Variants in STAT3 observed in about 807,000 individuals in gnomAD.
STAT3 encodes the protein DNA-binding protein APRF.
In STAT3, 7 loss-of-function variants were observed where a neutral mutation model predicts 114.3. The ratio of observed to expected loss-of-function variants is 0.06; its 90% confidence interval spans 0.03 to 0.11. The LOEUF (loss-of-function observed/expected upper bound fraction) is 0.11. STAT3 is among the 10% of genes least tolerant of loss of function. STAT3 has a pLI of 1.00. For synonymous variants in STAT3, 331 were observed against 354.5 expected, an observed-to-expected ratio of 0.93 and a Z score of 0.74; for missense variants, 364 against 960.9, an observed-to-expected ratio of 0.38 and a Z score of 8.21.
chr17:42,316,480 A>G (rs1339302851), intron 23 of STAT3: 1 of 536,408 alleles, frequency 1.9e-6, no homozygotes, highest in East Asian at 6.0e-5. Context: ...CGGCCTCCCA[A>G]AGTGCTGGGA....
rs781034418 is a variant in STAT3, at chr17:42,337,841, A to T, written c.567T>A (p.Asn189Lys). ...LKSQGDMQDL[N>K]GNNQSVTRQK... Reference sequence around the variant, plus strand: ...GCCTGGTCACTGACTGGTTGTTTCCATTCAGATCTTGCATGTCTGCGAAGG... The same window carrying T: ...GCCTGGTCACTGACTGGTTGTTTCCTTTCAGATCTTGCATGTCTGCGAAGG... The change falls in exon 7 of 24, where the codon AAT becomes AAA. Residue 189 changes from asparagine to lysine, a missense_variant. This residue lies in a region of STAT3 where 294 missense variants were observed against 745.1 expected (regional missense o/e 0.39). Coordinates refer to ENST00000264657, the MANE Select transcript of STAT3 (RefSeq NM_139276.3). This position sits in a 1 kb window ranked among gnomAD's most constrained non-coding sequence, Gnocchi z 4.0. 1 of 1,614,070 alleles carries T rather than the reference A, an allele frequency of 6.2e-7. No homozygotes were observed. The highest frequency in any genetic ancestry group is 8.5e-7 in the Non-Finnish European group (1 of 1,180,040).
chr17:42,363,049 G>A (rs922339874), intron 1 of STAT3, among the ~76,000 whole-genome samples: 5 of 152,150 alleles, frequency 3.3e-5, no homozygotes, highest in South Asian at 2.1e-4. Flanking sequence ...GCTCACTAGC[G>A]TGTCCTACCC....
intron 1 of STAT3, among the ~76,000 whole-genome samples, chr17:42,355,332 AACT>A (rs1173931895): frequency 2.6e-5 from 4 of 152,180 alleles, no homozygotes; most frequent in African/African-American, 9.6e-5. Flanking sequence ...GTGACTTAAT[AACT>A]ACTTCATTGA....
At chr17:42,316,157 G>A (rs768428811) in intron 23 of STAT3, 47 of 1,083,692 alleles carry the variant, frequency 4.3e-5, no homozygotes, top group Non-Finnish European at 5.5e-5. Flanking sequence ...GCTGTGCTGT[G>A]GCTGTCAAAA....
chr17:42,355,072 C>T (rs2083165885), intron 1 of STAT3, among the ~76,000 whole-genome samples: 2 of 152,150 alleles, frequency 1.3e-5, no homozygotes, highest in Admixed American at 6.5e-5. Flanking sequence ...CTAGGAAAAT[C>T]ACTGCCAAGC....
At position 42,316,808 on chromosome 17, in the gene STAT3, G is replaced by A. The variant is rs376372615; in HGVS notation, c.2238C>T (p.Pro746=). Reference sequence around the variant, plus strand: ...ACTCACCAAACTGCCCTCCTGCTGAGGGTTCAGCACCTTCACCATTATTTC... The same window carrying A: ...ACTCACCAAACTGCCCTCCTGCTGAAGGTTCAGCACCTTCACCATTATTTC... ...QFGNNGEGAE[P]SAGGQFESLT... Residue 746 remains proline, a synonymous_variant, in exon 23 of 24, where the codon CCC becomes CCT. Coordinates refer to ENST00000264657, the MANE Select transcript of STAT3 (RefSeq NM_139276.3). 2.5e-6 allele frequency: 4 copies of A among 1,613,782 alleles called. No homozygotes were observed. The highest frequency in any genetic ancestry group is 3.4e-6 in the Non-Finnish European group (4 of 1,179,968).
chr17:42,340,187 T>A (rs1024635409), intron 4 of STAT3, among the ~76,000 whole-genome samples: 72 of 151,574 alleles, frequency 4.8e-4, no homozygotes, highest in Non-Finnish European at 1.0e-3. Context: ...GAGAAACCCA[T>A]CTCTACTAAA....
Position 42,333,216 on chromosome 17 carries a change from CAGA to C in STAT3, c.1049+454_1049+456del, listed in dbSNP as rs979631761. Reference sequence around the variant, plus strand: ...GTTTCTGAGGAGGGAAATTTTGCTGCAGAAGGTCAAAACCCCAGCACACCTGTT... The same window carrying C: ...GTTTCTGAGGAGGGAAATTTTGCTGCAGGTCAAAACCCCAGCACACCTGTT... On this transcript the variant is annotated intron_variant, in intron 10 of 23. Transcript: ENST00000264657. The surrounding 1 kb of genome is among the most constrained non-coding windows in gnomAD (Gnocchi z 5.2). 6.6e-6 allele frequency among the ~76,000 whole-genome samples: 1 copy of C among 152,040 alleles called. No homozygotes were observed. Among genetic ancestry groups the C allele is most frequent in the African/African-American group, 2.4e-5 (1 of 41,406 alleles).
At position 42,322,506 on chromosome 17, in the gene STAT3, C is replaced by T. The variant is rs1418148445; in HGVS notation, c.1889-12G>A. ...GATCTGGGTCTTACCTGTCACAGGA[C>T]ATGGGAAGGAAAGATCATGGAACCT... On this transcript the variant is annotated splice_polypyrimidine_tract_variant and intron_variant, in intron 20 of 23. Transcript: ENST00000264657. 2 of 1,614,076 alleles carry T rather than the reference C, an allele frequency of 1.2e-6. No individual in the cohort carries two copies. Among genetic ancestry groups the T allele is most frequent in the Admixed American group, 3.3e-5 (2 of 60,026 alleles).
chr17:42,345,565 C>G lies in STAT3; in HGVS notation c.366G>C (p.Ala122=). 7.5e-6 allele frequency: 12 copies of G among 1,603,538 alleles called. No individual in the cohort carries two copies. The highest frequency in any genetic ancestry group is 1.3e-5 in the African/African-American group (1 of 74,652). The part of the protein sequence containing the change: ...ESRLLQTAAT[A]AQQGGQANHP... ...GTTTTGTCTCAGGTCTCACCTGGGCCGCAGTGGCTGCAGTCTGTAGAAGGC... is the reference window on the plus strand; with the variant it reads ...GTTTTGTCTCAGGTCTCACCTGGGCGGCAGTGGCTGCAGTCTGTAGAAGGC... Residue 122 remains alanine (A), a synonymous_variant, in exon 4 of 24, where the codon GCG becomes GCC. Coordinates refer to ENST00000264657, the MANE Select transcript of STAT3 (RefSeq NM_139276.3).
intron 5 of STAT3, 81 bp from the exon 6 acceptor site, chr17:42,338,893 A>G: frequency 7.6e-7 from 1 of 1,314,442 alleles, no homozygotes; most frequent in Non-Finnish European, 1.1e-6. Flanking sequence ...TCTGAGGAGA[A>G]TTCAAATGAA....
At chr17:42,357,901 A>T (rs1235065365) in intron 1 of STAT3, among the ~76,000 whole-genome samples, 4 of 152,194 alleles carry the variant, frequency 2.6e-5, no homozygotes, top group Non-Finnish European at 5.9e-5. Context: ...AGAAGTCTAT[A>T]TATAAATCTA....
At position 42,365,408 on chromosome 17, in the gene STAT3, G is replaced by A. The variant is rs75599316; in HGVS notation, c.-23-16869C>T. Among the ~76,000 whole-genome samples the A allele has an allele frequency of 4.1e-3, 625 of 152,284 alleles. 4 individuals carry two copies. The highest frequency in any genetic ancestry group is 0.014 in the African/African-American group (601 of 41,568). ...TCTCAGTGAGACCTCAGACATCGCA[G>A]AGCAAAGACAAGCCATCCCTGCTGT... On this transcript the variant is annotated intron_variant, in intron 1 of 23. Coordinates refer to ENST00000264657, the MANE Select transcript of STAT3 (RefSeq NM_139276.3).
chr17:42,350,664 C>G (rs560461259), intron 1 of STAT3, among the ~76,000 whole-genome samples: 6 of 152,158 alleles, frequency 3.9e-5, no homozygotes, highest in Non-Finnish European at 7.3e-5. Flanking sequence ...CAGAATACCC[C>G]TCTTGCTACT....
chr17:42,371,986 T>C (rs7211264), intron 1 of STAT3, among the ~76,000 whole-genome samples: 142,463 of 152,080 alleles, frequency 0.94, 67,445 homozygotes, highest in East Asian at 1. Context: ...TGTGAAACTC[T>C]GTCTCCAAAA....
At chr17:42,380,580 G>T (rs1426341227) in intron 1 of STAT3, among the ~76,000 whole-genome samples, 2 of 151,196 alleles carry the variant, frequency 1.3e-5, no homozygotes, top group East Asian at 2.0e-4. Flanking sequence ...AGACGGGGGG[G>T]GTCTCACTCT....
At chr17:42,330,681 G>A (rs867750868) in intron 11 of STAT3, among the ~76,000 whole-genome samples, 5 of 143,652 alleles carry the variant, frequency 3.5e-5, no homozygotes, top group East Asian at 2.1e-4. Flanking sequence ...CGCCCGCCTC[G>A]GCCTCCCAAA....
At chr17:42,316,928 G>C (rs1206875912) in intron 22 of STAT3, 27 bp from the exon 23 acceptor site, 4 of 1,603,732 alleles carry the variant, frequency 2.5e-6, no homozygotes, top group Non-Finnish European at 3.4e-6. Flanking sequence ...GCAGCAGGAG[G>C]GGAAACGGGG....
chr17:42,317,002 C>G, intron 22 of STAT3, 101 bp from the exon 23 acceptor site: 1 of 1,562,278 alleles, frequency 6.4e-7, no homozygotes, highest in Non-Finnish European at 8.6e-7. Context: ...CCATCAAACT[C>G]TGGTCTCCAA....
Sources: gnomAD v4.1 joint callset for allele counts (sites outside exome capture counted in the v4.1 genomes callset) on GRCh38, gnomAD v4.1.1 for gene constraint, gnomAD v4.1.1 regional missense constraint, Gnocchi (gnomAD v3.1) non-coding constraint, MANE v1.5 for transcripts, NCBI Gene and HGNC (gene_info 2026-07-23, HGNC 2026-07-21) for gene names.